The following ADGRL3 variants were observed in gnomAD, a reference collection of about 807,000 sequenced individuals.
ADGRL3 encodes adhesion G protein-coupled receptor L3, also known as calcium-independent alpha-latrotoxin receptor 3.
ADGRL3 carries 62 observed loss-of-function variants against 153.5 expected under a neutral mutation model. The ratio of observed to expected loss-of-function variants is 0.40; its 90% confidence interval spans 0.33 to 0.50. The LOEUF is 0.50. ADGRL3 is among the 20% of genes least tolerant of loss of function. ADGRL3 has a pLI of 0.47. For synonymous variants in ADGRL3, 710 were observed against 672.5 expected (o/e 1.06, Z -0.86); for missense variants, 1,641 against 1,859.4 (o/e 0.88, Z 2.16).
At chr4:61,656,021 G>A (rs546041457) in intron 5 of ADGRL3, among the ~76,000 whole-genome samples, 7 of 152,012 alleles carry the variant, frequency 4.6e-5, no homozygotes, top group East Asian at 3.9e-4. Flanking sequence ...TCTCTGTTAC[G>A]TTTTCCCCAG....
At chr4:61,468,773 A>G (rs1049078671) in intron 2 of ADGRL3, among the ~76,000 whole-genome samples, 1 of 152,026 alleles carries the variant, frequency 6.6e-6, no homozygotes. Flanking sequence ...GTTGTTTATC[A>G]GAGTCTACAC....
At chr4:61,310,304 C>T (rs116797462) in intron 1 of ADGRL3, among the ~76,000 whole-genome samples, 214 of 151,924 alleles carry the variant, frequency 1.4e-3, no homozygotes, top group Middle Eastern at 0.01. Context: ...GCCATGTTTA[C>T]GGAGGAATAG....
chr4:61,211,887 G>A (rs1191249449), intron 1 of ADGRL3: 1 of 152,236 alleles, frequency 6.6e-6, no homozygotes, highest in South Asian at 2.1e-4. Flanking sequence ...TACAATGCCA[G>A]ATGGGAGAGC....
intron 23 of ADGRL3, among the ~76,000 whole-genome samples, chr4:62,037,317 C>G (rs944955886): frequency 6.6e-5 from 10 of 152,108 alleles, no homozygotes; most frequent in African/African-American, 2.4e-4. Flanking sequence ...ACCCCAGTCT[C>G]TGTAACTTCC....
chr4:61,348,928 C>T (rs2095983817), intron 1 of ADGRL3, among the ~76,000 whole-genome samples: 1 of 151,934 alleles, frequency 6.6e-6, no homozygotes, highest in Admixed American at 6.6e-5. Context: ...GTAAAGAATT[C>T]TGGAGTTGGA....
intron 8 of ADGRL3, among the ~76,000 whole-genome samples, chr4:61,754,984 G>T (rs909232666): frequency 6.6e-6 from 1 of 152,174 alleles, no homozygotes; most frequent in Non-Finnish European, 1.5e-5. Context: ...ATTCCATGGT[G>T]TATATGTGCC....
At chr4:61,262,052 A>G (rs1020258253) in intron 1 of ADGRL3, among the ~76,000 whole-genome samples, 2 of 152,114 alleles carry the variant, frequency 1.3e-5, no homozygotes, top group Admixed American at 6.6e-5. Flanking sequence ...TCAAAGGTTT[A>G]TTTTTGAGCA....
intron 1 of ADGRL3, among the ~76,000 whole-genome samples, chr4:61,377,023 A>G (rs1424522722): frequency 6.6e-6 from 1 of 152,124 alleles, no homozygotes; most frequent in Non-Finnish European, 1.5e-5. Flanking sequence ...CAAGAACTGT[A>G]TCTGTATCTG....
Position 61,456,488 on chromosome 4 carries a change from GATATATCTATATCTATA to G in ADGRL3, c.-173-40632_-173-40616del, listed in dbSNP as rs1560665566. On this transcript the variant is annotated intron_variant, in intron 2 of 26. Transcript: ENST00000683033. ...AGATATATCTATATCTATATATATA[GATATATCTATATCTATA>G]TATATATAACTATATATACGTCACA... 9.4e-5 allele frequency among the ~76,000 whole-genome samples: 5 copies of G among 52,960 alleles called. 1 individual carries two copies. The highest frequency in any genetic ancestry group is 2.5e-4 in the African/African-American group (5 of 19,976). The allele number at this position is 52,960 out of a possible 152,430, so 34.7% of individuals were successfully genotyped here.
At chr4:61,647,108 T>G (rs2094038351) in intron 5 of ADGRL3, among the ~76,000 whole-genome samples, 2 of 152,128 alleles carry the variant, frequency 1.3e-5, no homozygotes, top group African/African-American at 4.8e-5. Flanking sequence ...GCTTCCCGAG[T>G]GAGGCAATGC....
intron 1 of ADGRL3, among the ~76,000 whole-genome samples, chr4:61,324,134 A>G (rs1016070528): frequency 1.3e-5 from 2 of 152,120 alleles, no homozygotes; most frequent in Non-Finnish European, 2.9e-5. Context: ...CACTGCCCCC[A>G]TGATTCGGTC....
intron 1 of ADGRL3, among the ~76,000 whole-genome samples, chr4:61,360,142 C>G (rs2096261737): frequency 6.6e-6 from 1 of 152,088 alleles, no homozygotes; most frequent in Admixed American, 6.5e-5. Context: ...AATTAGGACA[C>G]AACACATATT....
intron 4 of ADGRL3, among the ~76,000 whole-genome samples, chr4:61,563,107 A>AGCT (rs2098802297): frequency 6.6e-6 from 1 of 152,170 alleles, no homozygotes; most frequent in South Asian, 2.1e-4. Context: ...TGTATTTTTA[A>AGCT]AATAATAACA....
intron 21 of ADGRL3, among the ~76,000 whole-genome samples, chr4:62,005,059 T>G (rs2099153039): frequency 6.6e-6 from 1 of 152,170 alleles, no homozygotes; most frequent in Non-Finnish European, 1.5e-5. Context: ...TCAGACAAGT[T>G]GAGACTTTCC....
At chr4:61,389,605 A>T (rs2151988569) in intron 2 of ADGRL3, among the ~76,000 whole-genome samples, 1 of 152,190 alleles carries the variant, frequency 6.6e-6, no homozygotes, top group African/African-American at 2.4e-5. Context: ...TTTATAGAAA[A>T]TTTAAAAAGA....
intron 1 of ADGRL3, among the ~76,000 whole-genome samples, chr4:61,213,809 G>A (rs1283106648): frequency 6.6e-6 from 1 of 152,012 alleles, no homozygotes; most frequent in Non-Finnish European, 1.5e-5. Flanking sequence ...AGAATAAGTG[G>A]TGTCATCATG....
intron 2 of ADGRL3, among the ~76,000 whole-genome samples, chr4:61,432,554 G>A (rs2097367426): frequency 9.5e-6 from 1 of 104,944 alleles, no homozygotes; most frequent in African/African-American, 2.9e-5. Flanking sequence ...AGCCTTTATA[G>A]ATTTCTTTTC....
intron 2 of ADGRL3, among the ~76,000 whole-genome samples, chr4:61,419,336 A>T (rs2097176763): frequency 6.6e-6 from 1 of 150,876 alleles, no homozygotes; most frequent in Non-Finnish European, 1.5e-5. Context: ...CTCTATATAC[A>T]TTTAAGAAAG....
Position 61,934,995 on chromosome 4 carries a change from C to T in ADGRL3, c.2268C>T (p.Asp756=). The change falls in exon 14 of 27, where the codon GAC becomes GAT. Residue 756 remains aspartate (D), a synonymous_variant. Coordinates refer to ENST00000683033, the MANE Select transcript of ADGRL3 (RefSeq NM_001387552.1). ...FVLADNLLKT[D]IVRENTDNIK... ...TGGCTGATAACCTTTTGAAGACTGA[C>T]ATTGTCAGGGAGAATACAGACAATA... 1 of 1,613,768 alleles carries T rather than the reference C, an allele frequency of 6.2e-7. No homozygotes were observed. The highest frequency in any genetic ancestry group is 8.5e-7 in the Non-Finnish European group (1 of 1,179,752).
Sources: gnomAD v4.1 joint callset for allele counts (sites outside exome capture counted in the v4.1 genomes callset) on GRCh38, gnomAD v4.1.1 for gene constraint, MANE v1.5 for transcripts, NCBI Gene and HGNC (gene_info 2026-07-23, HGNC 2026-07-21) for gene names.